The following BNC2 variants were observed in gnomAD, a reference collection of about 807,000 sequenced individuals.
The protein encoded by BNC2 is basonuclin zinc finger protein 2.
Under a neutral mutation model 76.3 loss-of-function variants are expected in BNC2, and 20 were observed. That is an observed-to-expected ratio of 0.26 (90% CI 0.18 to 0.38). BNC2 has a LOEUF of 0.38. BNC2 is among the 10% of genes least tolerant of loss of function. The pLI is 1.00. For synonymous variants in BNC2, 582 were observed against 514.8 expected (o/e 1.13, Z -1.77); for missense variants, 1,382 against 1,399.8 (o/e 0.99, Z 0.20).
intron 2 of BNC2, among the ~76,000 whole-genome samples, chr9:16,729,227 T>C (rs1055208969): frequency 1.5e-4 from 23 of 152,240 alleles, no homozygotes; most frequent in African/African-American, 5.3e-4. Context: ...AAGTTCAAAA[T>C]GGAAAGCTAA....
intron 2 of BNC2, among the ~76,000 whole-genome samples, chr9:16,730,734 G>A (rs1312067825): frequency 6.6e-6 from 1 of 152,076 alleles, no homozygotes; most frequent in East Asian, 1.9e-4. Context: ...ACATGTTACT[G>A]CCACAACACG....
At chr9:16,794,254 C>A (rs1218309773) in intron 1 of BNC2, among the ~76,000 whole-genome samples, 2 of 152,154 alleles carry the variant, frequency 1.3e-5, no homozygotes, top group African/African-American at 2.4e-5. Context: ...CTACCGTCCC[C>A]CAGCAGACTT....
chr9:16,469,389 T>G (rs1422643279), intron 5 of BNC2, among the ~76,000 whole-genome samples: 1 of 152,032 alleles, frequency 6.6e-6, no homozygotes, highest in Non-Finnish European at 1.5e-5. Context: ...ATTTGATGGG[T>G]TTTTCAGGGG....
chr9:16,531,405 A>C (rs981025554), intron 5 of BNC2, among the ~76,000 whole-genome samples: 3 of 152,044 alleles, frequency 2.0e-5, no homozygotes, highest in African/African-American at 7.2e-5. Flanking sequence ...TAAGAAAAAA[A>C]AAAACAAAAA....
chr9:16,782,840 A>G (rs1056757255), intron 1 of BNC2, among the ~76,000 whole-genome samples: 3 of 152,236 alleles, frequency 2.0e-5, no homozygotes, highest in African/African-American at 7.2e-5. Flanking sequence ...TAGTATGAAC[A>G]TGGAATATTC....
intron 1 of BNC2, among the ~76,000 whole-genome samples, chr9:16,764,312 T>C (rs957085315): frequency 5.9e-5 from 9 of 152,200 alleles, no homozygotes; most frequent in Admixed American, 5.2e-4. Context: ...ACAGAGTCTA[T>C]GCACGGCATA....
intron 4 of BNC2, among the ~76,000 whole-genome samples, chr9:16,578,289 A>G (rs1043470091): frequency 6.6e-5 from 10 of 152,172 alleles, no homozygotes; most frequent in Admixed American, 2.0e-4. Context: ...TATTTTTACT[A>G]TTTTATTTAC....
intron 5 of BNC2, among the ~76,000 whole-genome samples, chr9:16,478,617 A>T (rs1271455999): frequency 6.6e-6 from 1 of 152,218 alleles, no homozygotes; most frequent in Non-Finnish European, 1.5e-5. Context: ...CAGAATATTC[A>T]GCTTAAAAAC....
chr9:16,772,521 T>C (rs1825858353), intron 1 of BNC2, among the ~76,000 whole-genome samples: 1 of 152,138 alleles, frequency 6.6e-6, no homozygotes. Context: ...GAAAACCTTT[T>C]GCATTTTCCC....
chr9:16,828,906 C>T (rs993072661), intron 1 of BNC2, among the ~76,000 whole-genome samples: 30 of 151,966 alleles, frequency 2.0e-4, no homozygotes, highest in Admixed American at 3.3e-4. Context: ...AAAGTAAACA[C>T]ATCTGATGGA....
intron 1 of BNC2, among the ~76,000 whole-genome samples, chr9:16,817,819 T>A (rs769727436): frequency 1.3e-5 from 2 of 152,198 alleles, no homozygotes; most frequent in Non-Finnish European, 2.9e-5. Flanking sequence ...ACACTTGGCA[T>A]ATATTTTCTT....
intron 2 of BNC2, among the ~76,000 whole-genome samples, chr9:16,737,472 G>A (rs535902109): frequency 2.7e-5 from 4 of 149,144 alleles, no homozygotes; most frequent in South Asian, 2.1e-4. Flanking sequence ...GAATGATCTC[G>A]ATTTCCTGAC....
At position 16,418,691 on chromosome 9, in the gene BNC2, T is replaced by TGC. The variant is rs1009362324; in HGVS notation, c.*297_*298insGC. On this transcript the variant is annotated 3_prime_UTR_variant, in exon 7 of 7. Coordinates refer to ENST00000380672, the MANE Select transcript of BNC2 (RefSeq NM_017637.6). ...GTGTGTGTGTGTGTGTGTGTGTGTG[T>TGC]ATGTGCATGTGTGTGTGTGTGTGTT... 7 of 344,726 alleles carry TGC rather than the reference T, an allele frequency of 2.0e-5. No homozygotes were observed. The highest frequency in any genetic ancestry group is 1.7e-4 in the African/African-American group (7 of 41,838). The allele number at this position is 344,726 out of a possible 1,614,324, so 21.4% of individuals were successfully genotyped here.
intron 1 of BNC2, among the ~76,000 whole-genome samples, chr9:16,764,528 G>A (rs185119395): frequency 6.6e-6 from 1 of 152,242 alleles, no homozygotes; most frequent in Admixed American, 6.5e-5. Context: ...AAGTCAATAT[G>A]CCATAAATTG....
In BNC2 at chr9:16,558,485, G is replaced by A. The variant is rs1246228028; in HGVS notation, c.434-5720C>T. Among the ~76,000 whole-genome samples, 4 of 152,224 alleles carry A rather than the reference G, an allele frequency of 2.6e-5. No individual in the cohort carries two copies. In the East Asian group the frequency reaches 5.8e-4, roughly 22 times the overall value. On this transcript the variant is annotated intron_variant, in intron 4 of 6. Coordinates refer to ENST00000380672, the MANE Select transcript of BNC2 (RefSeq NM_017637.6). Reference sequence around the variant, plus strand: ...ATCCCTGGAATCTTCTGTTACATGAGCCAACAAAATCTGTATTTCCTTGTC... The same window carrying A: ...ATCCCTGGAATCTTCTGTTACATGAACCAACAAAATCTGTATTTCCTTGTC...
At chr9:16,470,606 A>G (rs1166578011) in intron 5 of BNC2, among the ~76,000 whole-genome samples, 1 of 152,188 alleles carries the variant, frequency 6.6e-6, no homozygotes, top group Non-Finnish European at 1.5e-5. Flanking sequence ...CCTGTATCCC[A>G]GCCGCTCTAG....
rs553793819 is a variant in BNC2 at position 16,549,524 on chromosome 9, G to A, written c.669+3006C>T. Among the ~76,000 whole-genome samples, 19 of 152,168 alleles carry A rather than the reference G, an allele frequency of 1.2e-4. No homozygotes were observed. In the South Asian group the frequency reaches 3.7e-3, roughly 30 times the overall value. On this transcript the variant is annotated intron_variant, in intron 5 of 6. Coordinates refer to ENST00000380672, the MANE Select transcript of BNC2 (RefSeq NM_017637.6). ...AGCATTATGGGGTTCCACAGCCTTCGGACACACATTTTATAGCCTACTTTT... is the reference window on the plus strand; with the variant it reads ...AGCATTATGGGGTTCCACAGCCTTCAGACACACATTTTATAGCCTACTTTT...
chr9:16,594,245 A>G (rs935765964), intron 3 of BNC2, among the ~76,000 whole-genome samples: 3 of 152,170 alleles, frequency 2.0e-5, no homozygotes, highest in South Asian at 2.1e-4. Flanking sequence ...ATCGATTTGC[A>G]TGATTATCAC....
At chr9:16,636,934 T>C (rs1821346103) in intron 3 of BNC2, among the ~76,000 whole-genome samples, 2 of 151,718 alleles carry the variant, frequency 1.3e-5, no homozygotes, top group Non-Finnish European at 2.9e-5. Context: ...TAAATATATA[T>C]ATATATGTAT....
Sources: allele counts gnomAD v4.1 joint callset (sites outside exome capture counted in the v4.1 genomes callset), GRCh38; gene constraint gnomAD v4.1.1; transcripts MANE v1.5; gene names NCBI Gene and HGNC (gene_info 2026-07-23, HGNC 2026-07-21).